The following NELFCD variants were observed in gnomAD, a reference collection of about 807,000 sequenced individuals.
NELFCD encodes negative elongation factor complex member C/D.
Under a neutral mutation model 72.9 loss-of-function variants are expected in NELFCD, and 48 were observed. The observed-to-expected ratio is 0.66, with a 90% CI of 0.52 to 0.84. The LOEUF (loss-of-function observed/expected upper bound fraction) is 0.84, where lower values mean the gene tolerates loss of function less well. Among genes scored for constraint, NELFCD ranks in the 40% least tolerant of loss-of-function variants. NELFCD has a pLI of 0.00. For missense variants in NELFCD, 538 were observed against 723.8 expected (o/e 0.74, Z 2.94); for synonymous variants, 297 against 280.6 (o/e 1.06, Z -0.59).
chr20:58,987,755 A>G lies in NELFCD; in HGVS notation c.334A>G (p.Ser112Gly). The G allele has an allele frequency of 6.2e-7, 1 of 1,614,212 alleles. No homozygotes were observed. The highest frequency in any genetic ancestry group is 8.5e-7 in the Non-Finnish European group (1 of 1,180,030). ...GGAAACTGTGGAAAATCACTTGAAG[A>G]GTTTGCTGATCAAACATTTTGACCC... Reference protein sequence around the residue: ...VQETVENHLKSLLIKHFDPRK... With the variant: ...VQETVENHLKGLLIKHFDPRK... Residue 112 changes from serine to glycine, a missense_variant, in exon 4 of 15, where the codon AGT becomes GGT. Around this residue, in one of 3 missense-constraint regions of NELFCD, gnomAD observed 355 missense variants for 534.5 expected, o/e 0.66. Transcript: ENST00000652272.
Position 58,993,452 on chromosome 20 carries a change from A to G in NELFCD, c.1348A>G (p.Ser450Gly), listed in dbSNP as rs150855329. 78 of 1,613,578 alleles carry G rather than the reference A, an allele frequency of 4.8e-5. No individual in the cohort carries two copies. The highest frequency in any genetic ancestry group is 6.4e-5 in the Non-Finnish European group (75 of 1,180,018). The stretch of plus-strand genomic sequence containing the variant: ...GCTCCCTCTGGCCTGTTTGTAGATC[A>G]GCACCTGCCACCAGCTCCTGCACCC... Reference protein sequence around the residue: ...PVHLALLDEISTCHQLLHPQV... With the variant: ...PVHLALLDEIGTCHQLLHPQV... The change falls in exon 12 of 15, where the codon AGC becomes GGC. Residue 450 changes from serine to glycine, a missense_variant. Around this residue, in one of 3 missense-constraint regions of NELFCD, gnomAD observed 355 missense variants for 534.5 expected, o/e 0.66. Transcript: ENST00000652272. This position sits in a 1 kb window ranked among gnomAD's most constrained non-coding sequence, Gnocchi z 5.0.
intron 1 of NELFCD, among the ~76,000 whole-genome samples, chr20:58,985,097 A>G (rs1316120338): frequency 6.6e-6 from 1 of 152,224 alleles, no homozygotes; most frequent in African/African-American, 2.4e-5. Flanking sequence ...TCTCTGTCTT[A>G]ACTACTTACC....
At chr20:58,989,416 C>T (rs1046937039) in intron 5 of NELFCD, 72 bp from the exon 6 acceptor site, 2 of 1,572,666 alleles carry the variant, frequency 1.3e-6, no homozygotes, top group Admixed American at 3.4e-5. Context: ...ACCATGAACA[C>T]TGACAAGCCA....
At position 58,986,161 on chromosome 20, in the gene NELFCD, C is replaced by T. The variant is rs1425104583; in HGVS notation, c.129C>T (p.Ser43=). The change falls in exon 2 of 15, where the codon TCC becomes TCT. Residue 43 remains serine, a synonymous_variant. Coordinates refer to ENST00000652272, the MANE Select transcript of NELFCD (RefSeq NM_198976.4). This position sits in a 1 kb window ranked among gnomAD's most constrained non-coding sequence, Gnocchi z 4.4. ...EVQQECLHKF[S]TRDYIMEPSI... ...AGCAAGAATGCCTGCATAAATTTTC[C>T]ACCCGGGATTATATCATGGAACCCT... The T allele has an allele frequency of 1.2e-6, 2 of 1,613,938 alleles. No individual in the cohort carries two copies. Among genetic ancestry groups the T allele is most frequent in the Non-Finnish European group, 1.7e-6 (2 of 1,179,854 alleles).
At chr20:58,987,554 C>G in intron 3 of NELFCD, 154 bp from the exon 4 acceptor site, 1 of 628,516 alleles carries the variant, frequency 1.6e-6, no homozygotes, top group East Asian at 2.7e-5. Context: ...TCATTGATAA[C>G]TACTTTGAAG....
At chr20:58,991,790 A>C in intron 9 of NELFCD, 91 bp from the exon 10 acceptor site, 1 of 1,452,554 alleles carries the variant, frequency 6.9e-7, no homozygotes. Flanking sequence ...AAATAGGGAA[A>C]GTGCTTTGCA....
intron 1 of NELFCD, among the ~76,000 whole-genome samples, chr20:58,985,012 GGA>G (rs1257277690): frequency 4.6e-5 from 7 of 152,212 alleles, no homozygotes; most frequent in African/African-American, 1.4e-4. Context: ...ACTGCTTTTA[GGA>G]TCTTAGTCCA....
Position 58,994,701 on chromosome 20 carries a change from G to A in NELFCD, c.*25G>A, listed in dbSNP as rs1388090202. 38 of 1,597,940 alleles carry A rather than the reference G, an allele frequency of 2.4e-5. No individual in the cohort carries two copies. The highest frequency in any genetic ancestry group is 3.2e-5 in the Non-Finnish European group (37 of 1,166,668). ...ATTTAGAGCATCCTCCAGAGCTGAA[G>A]CAGAACATTCCAGAACCCGTTGTGG... On this transcript the variant is annotated 3_prime_UTR_variant, in exon 15 of 15. Transcript: ENST00000652272.
chr20:58,989,839 T>G lies in NELFCD; in HGVS notation c.658-19T>G, dbSNP rs758639976. The G allele has an allele frequency of 1.2e-6, 2 of 1,614,018 alleles. No individual in the cohort carries two copies. Among genetic ancestry groups the G allele is most frequent in the South Asian group, 2.2e-5 (2 of 91,080 alleles). On this transcript the variant is annotated intron_variant, in intron 6 of 14. Coordinates refer to ENST00000652272, the MANE Select transcript of NELFCD (RefSeq NM_198976.4). ...CTACAGTAGTAAACCCTGCCCCCTCTCTCCCTGCAATCTTGCAGAAGATGG... is the reference window on the plus strand; with the variant it reads ...CTACAGTAGTAAACCCTGCCCCCTCGCTCCCTGCAATCTTGCAGAAGATGG...
At position 58,993,948 on chromosome 20, in the gene NELFCD, C is replaced by G; in HGVS notation, c.1582-162C>G. 1 of 1,079,566 alleles carries G rather than the reference C, an allele frequency of 9.3e-7. No individual in the cohort carries two copies. The highest frequency in any genetic ancestry group is 1.4e-6 in the Non-Finnish European group (1 of 735,094). The allele number at this position is 1,079,566 out of a possible 1,614,324, so 66.9% of individuals were successfully genotyped here. Reference sequence around the variant, plus strand: ...GCAGCAGCTGTATGACACACTTTACCTCCATTACCACCCTGGGCATCTGAA... The same window carrying G: ...GCAGCAGCTGTATGACACACTTTACGTCCATTACCACCCTGGGCATCTGAA... On this transcript the variant is annotated intron_variant, in intron 13 of 14. Transcript: ENST00000652272. The surrounding 1 kb of genome is among the most constrained non-coding windows in gnomAD (Gnocchi z 5.0).
chr20:58,988,475 A>C (rs1370272139), intron 4 of NELFCD, among the ~76,000 whole-genome samples: 2 of 152,204 alleles, frequency 1.3e-5, no homozygotes, highest in Non-Finnish European at 2.9e-5. Context: ...GGTTCAGAGC[A>C]CAGTCCTTGA....
At chr20:58,991,513 T>C (rs1252283958) in intron 9 of NELFCD, 67 bp downstream of exon 9, 2 of 1,573,910 alleles carry the variant, frequency 1.3e-6, no homozygotes, top group Admixed American at 1.7e-5. Context: ...TTTGATATTA[T>C]TTTGGAATTT....
chr20:58,991,062 CTCCG>C lies in NELFCD; in HGVS notation c.942_945del (p.Pro315LeufsTer52). 1 of 1,613,204 alleles carries C rather than the reference CTCCG, an allele frequency of 6.2e-7. No individual in the cohort carries two copies. Among genetic ancestry groups the C allele is most frequent in the Non-Finnish European group, 8.5e-7 (1 of 1,179,514 alleles). On this transcript the variant is annotated frameshift_variant, in exon 8 of 15. Transcript: ENST00000652272. LOFTEE classifies it high-confidence loss of function. ...AAGATGTTCACAAGCATGGACCCTC[CTCCG>C]GTTGAACTTGTAAGTTGCTTCTCAA...
intron 1 of NELFCD, among the ~76,000 whole-genome samples, chr20:58,981,846 T>TA (rs1309893758): frequency 9.9e-5 from 15 of 152,228 alleles, no homozygotes; most frequent in Non-Finnish European, 1.9e-4. Flanking sequence ...CTTTACTGTT[T>TA]TATAAACTGT....
chr20:58,988,063 T>G (rs2091785701), intron 4 of NELFCD: 2 of 483,282 alleles, frequency 4.1e-6, no homozygotes, highest in Non-Finnish European at 7.4e-6. Context: ...TTCCCACCAT[T>G]TCCCCTCTCA....
chr20:58,989,162 GA>G (rs2091794691), intron 5 of NELFCD, 141 bp downstream of exon 5: 2 of 652,496 alleles, frequency 3.1e-6, no homozygotes, highest in South Asian at 3.9e-5. Flanking sequence ...CTTACACTGA[GA>G]AAGAAAAGTG....
In NELFCD at chr20:58,991,656, G is replaced by A. The variant is rs1391684166; in HGVS notation, c.1089+210G>A. The A allele has an allele frequency of 9.4e-6, 7 of 744,536 alleles. No homozygotes were observed. In the African/African-American group the frequency reaches 1.2e-4, roughly 13 times the overall value. 46.1% of individuals were successfully genotyped at this position (744,536 alleles called of 1,614,324 possible). A position where few individuals can be genotyped will look rare whatever the true frequency, so the allele number is the denominator to read the frequency against. Reference sequence around the variant, plus strand: ...TGCTCTGCAAACCGTAAATTGAAATGTGACTAAAGAAATGAAACTGATTTC... The same window carrying A: ...TGCTCTGCAAACCGTAAATTGAAATATGACTAAAGAAATGAAACTGATTTC... On this transcript the variant is annotated intron_variant, in intron 9 of 14. Coordinates refer to ENST00000652272, the MANE Select transcript of NELFCD (RefSeq NM_198976.4).
rs1289225885 is a variant in NELFCD, at chr20:58,991,876, T to C, written c.1090-5T>C. ...AGGCTCACCAGCTTGTGTGTGTGTT[T>C]TCAGAACAAGCGAGTGAGCATCAAT... On this transcript the variant is annotated splice_region_variant and splice_polypyrimidine_tract_variant and intron_variant, in intron 9 of 14. Transcript: ENST00000652272. 6.2e-7 allele frequency: 1 copy of C among 1,613,782 alleles called. No individual in the cohort carries two copies.
intron 4 of NELFCD, chr20:58,988,046 C>T (rs1317338559): frequency 2.9e-5 from 15 of 523,292 alleles, no homozygotes; most frequent in East Asian, 2.6e-4. Flanking sequence ...AGAGAATGAA[C>T]AGCAAGTTCC....
Sources: allele counts gnomAD v4.1 joint callset (sites outside exome capture counted in the v4.1 genomes callset), GRCh38; gene constraint gnomAD v4.1.1; regional missense constraint gnomAD v4.1.1; non-coding constraint Gnocchi (gnomAD v3.1); transcripts MANE v1.5; gene names NCBI Gene and HGNC (gene_info 2026-07-23, HGNC 2026-07-21).